The following NCOA7 variants were observed in gnomAD, a reference collection of about 807,000 sequenced individuals.
The protein encoded by NCOA7 is 140 kDa estrogen receptor-associated protein.
In NCOA7, 45 loss-of-function variants were observed where a neutral mutation model predicts 104.3. The ratio of observed to expected loss-of-function variants is 0.43; its 90% CI spans 0.34 to 0.55. NCOA7 has a LOEUF of 0.55. Among genes scored for constraint, NCOA7 ranks in the 20% least tolerant of loss-of-function variants. The probability of loss-of-function intolerance (pLI) is 0.02; values close to 1 mark genes in which losing one functional copy is unlikely to be tolerated. For missense variants in NCOA7, 1,041 were observed against 1,119.7 expected (o/e 0.93, Z 1.00); for synonymous variants, 398 against 402.3 (o/e 0.99, Z 0.13).
chr6:125,886,234 C>T (rs1344187489), intron 8 of NCOA7, among the ~76,000 whole-genome samples: 2 of 151,274 alleles, frequency 1.3e-5, no homozygotes, highest in Non-Finnish European at 2.9e-5. Context: ...TTCCCCTGGA[C>T]TCCTACAGCC....
intron 13 of NCOA7, among the ~76,000 whole-genome samples, chr6:125,927,021 C>T (rs1300359600): frequency 2.0e-5 from 3 of 152,172 alleles, no homozygotes; most frequent in African/African-American, 7.2e-5. Flanking sequence ...GATTTAAACA[C>T]ATCTAAGTTA....
At chr6:125,849,535 C>T (rs996318628) in intron 2 of NCOA7, among the ~76,000 whole-genome samples, 1 of 152,076 alleles carries the variant, frequency 6.6e-6, no homozygotes, top group African/African-American at 2.4e-5. Context: ...TGTTCTAAGT[C>T]TTATTCTTTT....
chr6:125,870,966 G>A (rs1176922118), intron 3 of NCOA7, among the ~76,000 whole-genome samples: 2 of 152,194 alleles, frequency 1.3e-5, no homozygotes, highest in African/African-American at 2.4e-5. Flanking sequence ...TATTCCTCTA[G>A]GGGTTTGGTC....
intron 1 of NCOA7, among the ~76,000 whole-genome samples, chr6:125,812,413 AT>A (rs1467916352): frequency 6.6e-6 from 1 of 152,150 alleles, no homozygotes; most frequent in Non-Finnish European, 1.5e-5. Context: ...GCACAGTCAT[AT>A]TTTCCTGACT....
Position 125,904,976 on chromosome 6 carries a change from A to C in NCOA7, c.2097-10357A>C, listed in dbSNP as rs566788706. Reference sequence around the variant, plus strand: ...GTTCTCTGTTCATGGGTGTTACCACACACCCACTGCTTCAGCAGCAGGTAG... The same window carrying C: ...GTTCTCTGTTCATGGGTGTTACCACCCACCCACTGCTTCAGCAGCAGGTAG... On this transcript the variant is annotated intron_variant, in intron 10 of 15. Transcript: ENST00000392477. Among the ~76,000 whole-genome samples the C allele has an allele frequency of 2.8e-4, 43 of 152,302 alleles. 1 individual carries two copies. In the South Asian group the frequency reaches 8.9e-3, roughly 32 times the overall value.
chr6:125,846,988 A>C (rs970129529), intron 2 of NCOA7, among the ~76,000 whole-genome samples: 6 of 152,258 alleles, frequency 3.9e-5, no homozygotes, highest in African/African-American at 1.2e-4. Flanking sequence ...GTTTTTGAAA[A>C]GTAAAATTCA....
chr6:125,858,832 T>C (rs1378763422), intron 3 of NCOA7, among the ~76,000 whole-genome samples: 1 of 152,016 alleles, frequency 6.6e-6, no homozygotes. Flanking sequence ...GTTTGTTGGC[T>C]CTCCCAGCGT....
At position 125,928,663 on chromosome 6, in the gene NCOA7, T is replaced by C. The variant is rs1457095301; in HGVS notation, c.2721T>C (p.Ala907=). Residue 907 remains alanine, a synonymous_variant, in exon 16 of 16, where the codon GCT becomes GCC. Transcript: ENST00000392477. ...GGGRFGLWLD[A]DLYHGRSNSC... ...GACGATTTGGTTTATGGCTAGATGC[T>C]GATTTATACCACGGACGAAGCAACT... The C allele has an allele frequency of 2.5e-6, 4 of 1,612,506 alleles. No homozygotes were observed. Among genetic ancestry groups the C allele is most frequent in the Non-Finnish European group, 3.4e-6 (4 of 1,179,534 alleles).
In NCOA7 at chr6:125,808,119, C is replaced by T. The variant is rs558404556; in HGVS notation, c.-64-7172C>T. Among the ~76,000 whole-genome samples, 4 of 152,300 alleles carry T rather than the reference C, an allele frequency of 2.6e-5. No individual in the cohort carries two copies. In the South Asian group the frequency reaches 8.3e-4, roughly 32 times the overall value. ...CCCTGAATGTCCTCTCGTCTACCAG[C>T]CCTTGCACTCCAGCCTTACCAGATC... On this transcript the variant is annotated intron_variant, in intron 1 of 15. Transcript: ENST00000392477.
At chr6:125,799,400 C>G (rs2128551673) in intron 1 of NCOA7, among the ~76,000 whole-genome samples, 1 of 151,968 alleles carries the variant, frequency 6.6e-6, no homozygotes, top group Admixed American at 6.5e-5. Context: ...GCATTTGTGC[C>G]ACAAATGAAC....
chr6:125,812,840 T>G (rs1027601386), intron 1 of NCOA7, among the ~76,000 whole-genome samples: 1 of 152,190 alleles, frequency 6.6e-6, no homozygotes, highest in African/African-American at 2.4e-5. Flanking sequence ...AGCAGAAACT[T>G]GGAGGACATC....
At chr6:125,902,917 G>A (rs1785638885) in intron 10 of NCOA7, among the ~76,000 whole-genome samples, 1 of 152,172 alleles carries the variant, frequency 6.6e-6, no homozygotes, top group Non-Finnish European at 1.5e-5. Flanking sequence ...GGATTATAAT[G>A]AGAATAAATT....
intron 3 of NCOA7, among the ~76,000 whole-genome samples, chr6:125,873,991 A>G (rs1259000234): frequency 6.6e-6 from 1 of 152,208 alleles, no homozygotes; most frequent in Non-Finnish European, 1.5e-5. Context: ...AGGTTGAATC[A>G]TATGCAGGTG....
chr6:125,825,759 G>A (rs1778605644), intron 2 of NCOA7, among the ~76,000 whole-genome samples: 1 of 152,072 alleles, frequency 6.6e-6, no homozygotes, highest in Non-Finnish European at 1.5e-5. Flanking sequence ...AAGGGGGATG[G>A]GCGGGGAGAT....
At chr6:125,789,592 G>GA (rs534213837), upstream of NCOA7, among the ~76,000 whole-genome samples, 106 of 148,734 alleles carry the variant, frequency 7.1e-4, no homozygotes, top group African/African-American at 2.1e-3. Flanking sequence ...AATGGCTACA[G>GA]AAAAAAAAAA....
chr6:125,846,173 G>T (rs1394775582), intron 2 of NCOA7, among the ~76,000 whole-genome samples: 1 of 151,668 alleles, frequency 6.6e-6, no homozygotes, highest in African/African-American at 2.4e-5. Flanking sequence ...TTTTTTGTTT[G>T]TTTTTATTTT....
chr6:125,929,436 A>G lies in NCOA7; in HGVS notation c.*665A>G, dbSNP rs1788325774. Reference sequence around the variant, plus strand: ...TTTTTTGCCCTGATTGTTTAGGGTGATAGGTCTTAAGCAGCATATATCTAT... The same window carrying G: ...TTTTTTGCCCTGATTGTTTAGGGTGGTAGGTCTTAAGCAGCATATATCTAT... On this transcript the variant is annotated 3_prime_UTR_variant, in exon 16 of 16. Coordinates refer to ENST00000392477, the MANE Select transcript of NCOA7 (RefSeq NM_181782.5). 2 of 151,528 alleles carry G rather than the reference A, an allele frequency of 1.3e-5. No homozygotes were observed. Among genetic ancestry groups the G allele is most frequent in the South Asian group, 2.1e-4 (1 of 4,820 alleles). 9.4% of individuals were successfully genotyped at this position (151,528 alleles called of 1,614,324 possible).
chr6:125,784,896 T>C (rs1400082540), intron 1 of NCOA7, among the ~76,000 whole-genome samples: 1 of 152,154 alleles, frequency 6.6e-6, no homozygotes, highest in Non-Finnish European at 1.5e-5. Context: ...AAGATCAGTA[T>C]GATTCTAAAG....
chr6:125,860,332 A>G (rs987008597), intron 3 of NCOA7, among the ~76,000 whole-genome samples: 6 of 152,260 alleles, frequency 3.9e-5, no homozygotes, highest in South Asian at 2.1e-4. Flanking sequence ...GACATGAACT[A>G]TATCATAGGA....
Sources: allele counts gnomAD v4.1 joint callset (sites outside exome capture counted in the v4.1 genomes callset), GRCh38; gene constraint gnomAD v4.1.1; transcripts MANE v1.5; gene names NCBI Gene and HGNC (gene_info 2026-07-23, HGNC 2026-07-21).